PLD5: variants seen among roughly 807,000 people sequenced by gnomAD.
The protein encoded by PLD5 is phospholipase D family member 5.
In PLD5, 36 loss-of-function variants were observed where a neutral mutation model predicts 61.1. The ratio of observed to expected loss-of-function variants is 0.59; its 90% CI spans 0.45 to 0.78. PLD5 has a LOEUF of 0.78. PLD5 is among the 30% of genes least tolerant of loss of function. The pLI, the probability that PLD5 is intolerant of heterozygous loss-of-function variation, is 0.00. For missense variants in PLD5, 515 were observed against 644.4 expected, an observed-to-expected ratio of 0.80 and a Z score of 2.17; for synonymous variants, 243 against 242.8, an observed-to-expected ratio of 1.00 and a Z score of -0.01.
chr1:242,200,632 A>G (rs1199670989), intron 5 of PLD5, among the ~76,000 whole-genome samples: 2 of 114,788 alleles, frequency 1.7e-5, no homozygotes, highest in African/African-American at 5.8e-5. Context: ...GGCACAGGCA[A>G]AAAAAAAAAA....
intron 1 of PLD5, among the ~76,000 whole-genome samples, chr1:242,380,783 C>T (rs1466528257): frequency 6.6e-6 from 1 of 151,840 alleles, no homozygotes; most frequent in Non-Finnish European, 1.5e-5. Flanking sequence ...ATTCATGTGG[C>T]CAAATATGAA....
At chr1:242,165,076 T>C (rs1666203155) in intron 5 of PLD5, among the ~76,000 whole-genome samples, 2 of 152,096 alleles carry the variant, frequency 1.3e-5, no homozygotes, top group African/African-American at 4.8e-5. Context: ...GAGGTCTCTC[T>C]CAGATGAAAT....
At chr1:242,314,063 G>A (rs191995912) in intron 2 of PLD5, among the ~76,000 whole-genome samples, 5 of 152,226 alleles carry the variant, frequency 3.3e-5, no homozygotes, top group African/African-American at 4.8e-5. Context: ...CATTAGTCTC[G>A]TGGTCAAGGT....
In PLD5 at chr1:242,257,005, TATCTATC is replaced by T. The variant is rs1241650755; in HGVS notation, c.607+8325_607+8331del. On this transcript the variant is annotated intron_variant, in intron 4 of 9. Transcript: ENST00000536534. ...ACCTACCTTCTTTCTATCATCTATCTATCTATCATCTATCTATATCTACCTACCTACC... is the reference window on the plus strand; with the variant it reads ...ACCTACCTTCTTTCTATCATCTATCTATCTATCTATATCTACCTACCTACC... Among the ~76,000 whole-genome samples the T allele has an allele frequency of 2.6e-5, 4 of 151,674 alleles. No homozygotes were observed. In the Admixed American group the frequency reaches 2.6e-4, roughly 10 times the overall value.
At position 242,106,865 on chromosome 1, in the gene PLD5, C is replaced by G. The variant is rs143388218; in HGVS notation, c.1239+806G>C. The stretch of plus-strand genomic sequence containing the variant: ...GATCAGTGGTTATGAGGTGGGTAAA[C>G]ATGGAGAAGAAGAGTGTTGTAGGCA... On this transcript the variant is annotated intron_variant, in intron 8 of 9. Transcript: ENST00000536534. 2.4e-4 allele frequency among the ~76,000 whole-genome samples: 36 copies of G among 152,250 alleles called. No homozygotes were observed. In the East Asian group the frequency reaches 6.9e-3, roughly 29 times the overall value.
chr1:242,498,324 TA>T (rs1310901281), intron 1 of PLD5, among the ~76,000 whole-genome samples: 1 of 152,192 alleles, frequency 6.6e-6, no homozygotes, highest in Non-Finnish European at 1.5e-5. Flanking sequence ...AAAATATAGA[TA>T]AGCAAAAGTA....
intron 1 of PLD5, among the ~76,000 whole-genome samples, chr1:242,521,798 G>A (rs993134753): frequency 3.3e-5 from 5 of 152,102 alleles, no homozygotes; most frequent in African/African-American, 9.7e-5. Context: ...TGTTTACAAT[G>A]AAGTCAACAT....
chr1:242,128,567 AAAC>A (rs1662986803), intron 5 of PLD5, among the ~76,000 whole-genome samples: 1 of 152,232 alleles, frequency 6.6e-6, no homozygotes. Flanking sequence ...AAGCAAACAA[AAAC>A]AACTATTGCA....
At chr1:242,460,514 C>G (rs1667085339) in intron 1 of PLD5, among the ~76,000 whole-genome samples, 1 of 152,152 alleles carries the variant, frequency 6.6e-6, no homozygotes, top group African/African-American at 2.4e-5. Context: ...ACACTCTAGG[C>G]TTTCAAACTT....
chr1:242,083,944 G>T lies in PLD5; in HGVS notation c.*5910C>A, dbSNP rs936219131. 6.6e-6 allele frequency: 1 copy of T among 152,124 alleles called. No homozygotes were observed. The allele number at this position is 152,124 out of a possible 1,614,324, so 9.4% of individuals were successfully genotyped here. Reference sequence around the variant, plus strand: ...GCAAGGGGCTCAGAATGTCTCATCTGCTTTTCAGAATTTTCCGCCCATGGG... The same window carrying T: ...GCAAGGGGCTCAGAATGTCTCATCTTCTTTTCAGAATTTTCCGCCCATGGG... On this transcript the variant is annotated 3_prime_UTR_variant, in exon 10 of 10. Coordinates refer to ENST00000536534, the MANE Select transcript of PLD5 (RefSeq NM_001372062.1).
upstream of PLD5, among the ~76,000 whole-genome samples, chr1:242,528,021 A>C (rs763283621): frequency 6.6e-6 from 1 of 152,216 alleles, no homozygotes; most frequent in Non-Finnish European, 1.5e-5. Flanking sequence ...CCTTACATAT[A>C]ATAAGCTTCC....
chr1:242,095,849 C>T (rs1304275872), intron 9 of PLD5, among the ~76,000 whole-genome samples: 1 of 152,160 alleles, frequency 6.6e-6, no homozygotes, highest in Non-Finnish European at 1.5e-5. Flanking sequence ...TAATCACTTG[C>T]AGCTGATTTC....
chr1:242,522,974 T>A (rs1024220950), intron 1 of PLD5, among the ~76,000 whole-genome samples: 2 of 152,160 alleles, frequency 1.3e-5, no homozygotes, highest in African/African-American at 4.8e-5. Context: ...AATAGAGAAA[T>A]GCCCCTTCTT....
At chr1:242,188,873 G>A (rs1668068094) in intron 5 of PLD5, 1 of 152,156 alleles carries the variant, frequency 6.6e-6, no homozygotes, top group African/African-American at 2.4e-5. Flanking sequence ...ATGAAAAGTT[G>A]CAAACTAACT....
intron 1 of PLD5, among the ~76,000 whole-genome samples, chr1:242,404,403 A>G (rs1664111356): frequency 1.3e-5 from 2 of 152,202 alleles, no homozygotes; most frequent in Non-Finnish European, 2.9e-5. Flanking sequence ...GGTACTAGGA[A>G]CATCAATCAT....
chr1:242,155,418 T>C (rs985639726), intron 5 of PLD5, among the ~76,000 whole-genome samples: 3 of 152,180 alleles, frequency 2.0e-5, no homozygotes, highest in Non-Finnish European at 4.4e-5. Flanking sequence ...CTCTTGCTTC[T>C]CTAGTTCTTT....
intron 9 of PLD5, among the ~76,000 whole-genome samples, chr1:242,095,290 T>C (rs1660141443): frequency 6.6e-6 from 1 of 152,156 alleles, no homozygotes; most frequent in South Asian, 2.1e-4. Flanking sequence ...TGGAGTGCAC[T>C]GATGGGATCT....
At chr1:242,421,646 C>T (rs1214521112) in intron 1 of PLD5, among the ~76,000 whole-genome samples, 2 of 152,152 alleles carry the variant, frequency 1.3e-5, no homozygotes, top group African/African-American at 4.8e-5. Flanking sequence ...GAGGTCTTCA[C>T]GAAGCTTCCA....
At chr1:242,181,634 C>T (rs1253895780) in intron 5 of PLD5, among the ~76,000 whole-genome samples, 1 of 151,216 alleles carries the variant, frequency 6.6e-6, no homozygotes, top group Non-Finnish European at 1.5e-5. Flanking sequence ...CCACTGACTG[C>T]TTGTAAAAAT....
Sources: gnomAD v4.1 joint callset for allele counts (sites outside exome capture counted in the v4.1 genomes callset) on GRCh38, gnomAD v4.1.1 for gene constraint, MANE v1.5 for transcripts, NCBI Gene and HGNC (gene_info 2026-07-23, HGNC 2026-07-21) for gene names.